ZNF577: variants seen among roughly 807,000 people sequenced by gnomAD.
ZNF577 encodes zinc finger protein 577.
ZNF577 carries 14 observed loss-of-function variants against 13.9 expected under a neutral mutation model. The ratio of observed to expected loss-of-function variants is 1.00; its 90% CI spans 0.66 to 1.57. ZNF577 has a LOEUF of 1.57. ZNF577 is among the 40% of genes most tolerant of loss of function. The pLI is 0.00. For missense variants in ZNF577, 555 were observed against 579.2 expected, an observed-to-expected ratio of 0.96 and a Z score of 0.43; for synonymous variants, 203 against 202.9, an observed-to-expected ratio of 1.00 and a Z score of 0.00.
intron 10 of ZNF577, among the ~76,000 whole-genome samples, chr19:51,809,544 A>G (rs573648509): frequency 2.2e-4 from 34 of 152,324 alleles, no homozygotes; most frequent in African/African-American, 7.7e-4. Context: ...TTTGCAGGGA[A>G]TAAGCAATAA....
At chr19:51,825,649 C>G (rs1465499048) in intron 9 of ZNF577, 1 of 167,138 alleles carries the variant, frequency 6.0e-6, no homozygotes, top group Non-Finnish European at 1.5e-5. Context: ...ATACCCTAAT[C>G]CCAGTCCTAA....
chr19:51,823,680 A>G, intron 9 of ZNF577: 1 of 1,289,042 alleles, frequency 7.8e-7, no homozygotes, highest in Non-Finnish European at 1.1e-6. Context: ...AAGTTAATGA[A>G]TAGTTGTATT....
chr19:51,873,644 TC>T lies in ZNF577; in HGVS notation c.345del (p.Arg116AspfsTer81). 6.2e-7 allele frequency: 1 copy of T among 1,614,062 alleles called. No homozygotes were observed. The highest frequency in any genetic ancestry group is 8.5e-7 in the Non-Finnish European group (1 of 1,179,950). Reference sequence around the variant, plus strand: ...TCACGCTTGATATGGAGGCATGATCTCCCATATCCACCAAATGCATCAGAAT... The same window carrying T: ...TCACGCTTGATATGGAGGCATGATCTCCATATCCACCAAATGCATCAGAAT... ...GKDSDAFGGYGRSCLHIKRDK... is the reference protein window; with the variant it reads ...GKDSDAFGGYXRSCLHIKRDK... On this transcript the variant is annotated frameshift_variant, in exon 6 of 6. Transcript: ENST00000638348. LOFTEE classifies it low-confidence loss of function (END_TRUNC).
At chr19:51,855,367 C>CTGTGTGTGTGTGTGTGTGTG (rs55937420) in intron 5 of ZNF577, among the ~76,000 whole-genome samples, 18 of 143,460 alleles carry the variant, frequency 1.3e-4, no homozygotes, top group African/African-American at 4.5e-4. Flanking sequence ...GCTGAGGGTG[C>CTGTGTGTGTGTGTGTGTGTG]TGTGTGTGTG....
intron 5 of ZNF577, among the ~76,000 whole-genome samples, chr19:51,874,189 T>C (rs984539259): frequency 4.6e-5 from 7 of 152,016 alleles, no homozygotes; most frequent in Non-Finnish European, 1.0e-4. Flanking sequence ...AAATCAAAAA[T>C]AGATGGAGGG....
chr19:51,825,240 A>C (rs1157586699), intron 9 of ZNF577: 1 of 183,276 alleles, frequency 5.5e-6, no homozygotes, highest in Non-Finnish European at 1.3e-5. Flanking sequence ...GTTTATTATA[A>C]AAGATACTAC....
intron 5 of ZNF577, among the ~76,000 whole-genome samples, chr19:51,855,369 G>A (rs552448760): frequency 4.5e-5 from 2 of 44,510 alleles, no homozygotes; most frequent in Non-Finnish European, 9.8e-5. Flanking sequence ...TGAGGGTGCT[G>A]TGTGTGTGTG....
chr19:51,820,301 T>C (rs78544165), intron 9 of ZNF577, among the ~76,000 whole-genome samples: 4,336 of 152,330 alleles, frequency 0.028, 162 homozygotes, highest in African/African-American at 0.087. Flanking sequence ...AATTGTGACA[T>C]TGAACAAGTC....
At chr19:51,882,019 G>A (rs1455420556) in intron 1 of ZNF577, among the ~76,000 whole-genome samples, 3 of 152,110 alleles carry the variant, frequency 2.0e-5, no homozygotes, top group Non-Finnish European at 1.5e-5. Flanking sequence ...AAACGCACTG[G>A]TCAAGATGCA....
intron 3 of ZNF577, 150 bp from the exon 4 acceptor site, chr19:51,878,665 T>C: frequency 1.1e-6 from 1 of 922,108 alleles, no homozygotes; most frequent in Non-Finnish European, 1.6e-6. Context: ...ATTCCACCAA[T>C]TCTGCCTACC....
At chr19:51,841,689 C>T (rs1450466297) in intron 8 of ZNF577, among the ~76,000 whole-genome samples, 4 of 152,118 alleles carry the variant, frequency 2.6e-5, no homozygotes, top group African/African-American at 7.2e-5. Flanking sequence ...GGGGCCAAGG[C>T]GGGTGGATCA....
At chr19:51,847,447 C>A (rs541040504) in intron 5 of ZNF577, among the ~76,000 whole-genome samples, 2 of 152,022 alleles carry the variant, frequency 1.3e-5, no homozygotes, top group Admixed American at 1.3e-4. Context: ...TAAAACGGAC[C>A]CTCCAAATAC....
Position 51,885,803 on chromosome 19 carries a change from C to T in ZNF577, c.-219+1018G>A, listed in dbSNP as rs549983954. Among the ~76,000 whole-genome samples, 6 of 152,276 alleles carry T rather than the reference C, an allele frequency of 3.9e-5. No homozygotes were observed. The South Asian group carries it at 1.2e-3, about 32-fold the overall frequency. Reference sequence around the variant, plus strand: ...GATTACAGGCGTGAGCTCTCATGCCCAGCCCTCAATAGAACTTTTATGCAC... The same window carrying T: ...GATTACAGGCGTGAGCTCTCATGCCTAGCCCTCAATAGAACTTTTATGCAC... On this transcript the variant is annotated intron_variant, in intron 1 of 5. Coordinates refer to ENST00000638348, the MANE Select transcript of ZNF577 (RefSeq NM_001370449.1).
intron 1 of ZNF577, among the ~76,000 whole-genome samples, chr19:51,882,640 C>T (rs2084880135): frequency 6.6e-6 from 1 of 151,912 alleles, no homozygotes; most frequent in African/African-American, 2.4e-5. Context: ...AAAAATTTGC[C>T]AGGCATGGTG....
Position 51,873,017 on chromosome 19 carries a change from G to A in ZNF577, c.973C>T (p.Pro325Ser), listed in dbSNP as rs749272382. Residue 325 changes from proline (P) to serine (S), a missense_variant, in exon 6 of 6, where the codon CCT (proline) becomes TCT (serine). Physicochemically the swap from Pro to Ser is moderately conservative, Grantham distance 74. Transcript: ENST00000638348. ...RHQRIHTGEK[P>S]YECSECEKAF... Reference sequence around the variant, plus strand: ...TTTTCACACTCACTACATTCATAAGGTTTCTCTCCCGTATGAATCCTCTGA... The same window carrying A: ...TTTTCACACTCACTACATTCATAAGATTTCTCTCCCGTATGAATCCTCTGA... 6.2e-7 allele frequency: 1 copy of A among 1,614,164 alleles called. No individual in the cohort carries two copies. The highest frequency in any genetic ancestry group is 1.7e-5 in the Admixed American group (1 of 60,032).
intron 5 of ZNF577, among the ~76,000 whole-genome samples, chr19:51,851,915 A>C (rs1227879847): frequency 6.6e-6 from 1 of 152,140 alleles, no homozygotes; most frequent in Non-Finnish European, 1.5e-5. Flanking sequence ...GCCTTTAACC[A>C]ACCCCAATGA....
chr19:51,881,194 A>G (rs143485264), intron 1 of ZNF577, among the ~76,000 whole-genome samples: 139 of 152,330 alleles, frequency 9.1e-4, no homozygotes, highest in Non-Finnish European at 1.6e-3. Flanking sequence ...AGGAAGTGGT[A>G]AAGCCAGACA....
intron 5 of ZNF577, chr19:51,861,100 T>C (rs1399200848): frequency 3.1e-6 from 1 of 325,294 alleles, no homozygotes; most frequent in African/African-American, 2.4e-5. Flanking sequence ...ACTGCACTCA[T>C]AATTGACTCT....
chr19:51,817,205 T>C (rs1033568548), intron 9 of ZNF577, among the ~76,000 whole-genome samples: 2 of 152,174 alleles, frequency 1.3e-5, no homozygotes, highest in African/African-American at 4.8e-5. Flanking sequence ...GCTCCATTGT[T>C]CCCTTGTCCT....
Sources: allele counts gnomAD v4.1 joint callset (sites outside exome capture counted in the v4.1 genomes callset), GRCh38; gene constraint gnomAD v4.1.1; transcripts MANE v1.5; gene names NCBI Gene and HGNC (gene_info 2026-07-23, HGNC 2026-07-21).